Variants in COX19 observed in about 807,000 individuals in gnomAD.
COX19 encodes the protein cytochrome c oxidase assembly protein COX19.
A neutral mutation model predicts 6.8 loss-of-function variants in COX19; 8 were observed. The ratio of observed to expected loss-of-function variants is 1.18; its 90% CI spans 0.69 to 2.12. The LOEUF (loss-of-function observed/expected upper bound fraction) is 2.12. Among genes scored for constraint, COX19 ranks in the 30% most tolerant of loss-of-function variants. The pLI, the probability that COX19 is intolerant of heterozygous loss-of-function variation, is 0.00. For missense variants in COX19, 131 were observed against 104.6 expected (o/e 1.25, Z -1.10); for synonymous variants, 51 against 38.0 (o/e 1.34, Z -1.26).
chr7:972,229 C>T (rs1847646018), intron 2 of COX19, among the ~76,000 whole-genome samples: 1 of 152,212 alleles, frequency 6.6e-6, no homozygotes, highest in African/African-American at 2.4e-5. Flanking sequence ...TTCAGTGTGG[C>T]CCTTGGACAA....
intron 1 of COX19, among the ~76,000 whole-genome samples, chr7:973,899 G>A (rs969133835): frequency 2.7e-5 from 4 of 150,532 alleles, no homozygotes; most frequent in African/African-American, 9.8e-5. Context: ...CCAGGAAGCG[G>A]AGGTTGCAGC....
At chr7:971,479 T>C (rs1847634176) in intron 2 of COX19, among the ~76,000 whole-genome samples, 1 of 152,076 alleles carries the variant, frequency 6.6e-6, no homozygotes, top group Admixed American at 6.6e-5. Context: ...GTTTGATGAT[T>C]TTCATGAACA....
At chr7:969,819 G>A (rs1847611227) in intron 2 of COX19, among the ~76,000 whole-genome samples, 1 of 152,174 alleles carries the variant, frequency 6.6e-6, no homozygotes, top group Non-Finnish European at 1.5e-5. Flanking sequence ...TGATTGGCAG[G>A]ATAATGACCC....
rs1380228165 is a variant in COX19, at chr7:975,496, A to C, written c.14T>G (p.Met5Arg). MSTA[M>R]NFGTKSFQPR... ...CTGGAAGCTCTTGGTCCCGAAATTC[A>C]TGGCGGTCGACATGTTGGCGACTCC... The change falls in exon 1 of 3, where the codon ATG becomes AGG. Residue 5 changes from methionine (M) to arginine (R), a missense_variant. Physicochemically the swap from Met to Arg is moderately conservative, Grantham distance 91. Coordinates refer to ENST00000344111, the MANE Select transcript of COX19 (RefSeq NM_001031617.3). The C allele has an allele frequency of 6.2e-7, 1 of 1,603,460 alleles. No individual in the cohort carries two copies. Among genetic ancestry groups the C allele is most frequent in the South Asian group, 1.1e-5 (1 of 89,654 alleles).
chr7:972,744 T>C (rs986171527), intron 2 of COX19: 4 of 152,586 alleles, frequency 2.6e-5, no homozygotes, highest in African/African-American at 7.2e-5. Context: ...AAATAGTCTA[T>C]TGTCCTCCCT....
At chr7:973,820 G>C (rs1370139578) in intron 1 of COX19, among the ~76,000 whole-genome samples, 1 of 151,896 alleles carries the variant, frequency 6.6e-6, no homozygotes, top group Non-Finnish European at 1.5e-5. Context: ...ACAAAAATTA[G>C]CCGGGCATGG....
At position 967,577 on chromosome 7, in the gene COX19, G is replaced by A. The variant is rs1847575897; in HGVS notation, c.*1801C>T. The A allele has an allele frequency of 6.6e-6, 1 of 152,284 alleles. No individual in the cohort carries two copies. Among genetic ancestry groups the A allele is most frequent in the Non-Finnish European group, 1.5e-5 (1 of 68,072 alleles). The allele number at this position is 152,284 out of a possible 1,614,324, so 9.4% of individuals were successfully genotyped here. A position where few individuals can be genotyped will look rare whatever the true frequency, so the allele number is the denominator to read the frequency against. ...CGGGCCTGGGCACTCCCGACGGCGG[G>A]TCAGAGTGCGATGGGAAGAGGCCCC... On this transcript the variant is annotated 3_prime_UTR_variant, in exon 3 of 3. Coordinates refer to ENST00000344111, the MANE Select transcript of COX19 (RefSeq NM_001031617.3).
In COX19 at chr7:966,833, A is replaced by G. The variant is rs77672213; in HGVS notation, c.*2545T>C. 0.025 allele frequency: 3,753 copies of G among 152,326 alleles called. 148 individuals are homozygous for G. The highest frequency in any genetic ancestry group is 0.21 in the East Asian group (1,082 of 5,170). The allele number at this position is 152,326 out of a possible 1,614,324, so 9.4% of individuals were successfully genotyped here. ...TTCTGAGCAGCCGTCCTGCTGGGACATCAACCCTCCCTCCGTCCAGCGTTT... is the reference window on the plus strand; with the variant it reads ...TTCTGAGCAGCCGTCCTGCTGGGACGTCAACCCTCCCTCCGTCCAGCGTTT... On this transcript the variant is annotated 3_prime_UTR_variant, in exon 3 of 3. Transcript: ENST00000344111.
chr7:975,292 G>A (rs1847689438), intron 1 of COX19, 136 bp downstream of exon 1: 2 of 639,156 alleles, frequency 3.1e-6, no homozygotes, highest in Non-Finnish European at 5.3e-6. Context: ...GCTGGGTGGG[G>A]CGGAGGGGCG....
rs1227534508 is a variant in COX19 at position 968,394 on chromosome 7, A to T, written c.*984T>A. 1 of 152,294 alleles carries T rather than the reference A, an allele frequency of 6.6e-6. No homozygotes were observed. Among genetic ancestry groups the T allele is most frequent in the Non-Finnish European group, 1.5e-5 (1 of 68,114 alleles). The allele number at this position is 152,294 out of a possible 1,614,324, so 9.4% of individuals were successfully genotyped here. ...TGCCAGGGTCGCCAGAGAGGACGTG[A>T]CCTGGACCTCCCCACCCCGTCTCCT... On this transcript the variant is annotated 3_prime_UTR_variant, in exon 3 of 3. Coordinates refer to ENST00000344111, the MANE Select transcript of COX19 (RefSeq NM_001031617.3).
At chr7:971,754 C>T (rs1847638919) in intron 2 of COX19, among the ~76,000 whole-genome samples, 1 of 152,128 alleles carries the variant, frequency 6.6e-6, no homozygotes, top group Non-Finnish European at 1.5e-5. Context: ...GCCTGTAGTC[C>T]CAGCTACTCG....
intron 1 of COX19, among the ~76,000 whole-genome samples, chr7:974,473 T>C (rs1005852768): frequency 1.3e-5 from 2 of 152,066 alleles, no homozygotes; most frequent in African/African-American, 2.4e-5. Flanking sequence ...TTCATAAACA[T>C]GCTGAAAACA....
At chr7:971,154 CTG>C (rs1847629733) in intron 2 of COX19, among the ~76,000 whole-genome samples, 1 of 152,212 alleles carries the variant, frequency 6.6e-6, no homozygotes, top group Admixed American at 6.5e-5. Flanking sequence ...ACCAGCGTGT[CTG>C]TGTGACACCC....
intron 2 of COX19, among the ~76,000 whole-genome samples, chr7:972,511 C>G (rs532542147): frequency 6.6e-6 from 1 of 152,170 alleles, no homozygotes; most frequent in South Asian, 2.1e-4. Context: ...GACCGAAATG[C>G]TTAGTGAGCT....
chr7:975,144 A>G, intron 1 of COX19: 1 of 380,884 alleles, frequency 2.6e-6, no homozygotes, highest in Non-Finnish European at 4.7e-6. Flanking sequence ...CGGGGCACAG[A>G]CAGCCCGCCG....
chr7:975,323 C>T, intron 1 of COX19, 105 bp downstream of exon 1: 1 of 890,700 alleles, frequency 1.1e-6, no homozygotes, highest in Non-Finnish European at 1.7e-6. Flanking sequence ...CCTCAGTTTC[C>T]CCGCCTGCAC....
intron 1 of COX19, among the ~76,000 whole-genome samples, chr7:974,250 TAAAA>T (rs748066628): frequency 1.2e-5 from 1 of 84,236 alleles, no homozygotes. Context: ...ACCCCATCTC[TAAAA>T]AAAAAAAAAA....
At chr7:971,297 C>T (rs1366799435) in intron 2 of COX19, among the ~76,000 whole-genome samples, 2 of 152,202 alleles carry the variant, frequency 1.3e-5, no homozygotes, top group Non-Finnish European at 1.5e-5. Context: ...TCCAAGTCCT[C>T]AAGAGACAAC....
Position 965,063 on chromosome 7 carries a change from C to T in COX19, c.*4315G>A, listed in dbSNP as rs1190370250. The stretch of plus-strand genomic sequence containing the variant: ...AAGGCAGCGTTGGGAAGCCACTGCA[C>T]GTTTGTAAGGAGTCAGGTTGTCCAC... On this transcript the variant is annotated 3_prime_UTR_variant, in exon 3 of 3. Coordinates refer to ENST00000344111, the MANE Select transcript of COX19 (RefSeq NM_001031617.3). 2.6e-5 allele frequency among the ~76,000 whole-genome samples: 4 copies of T among 152,172 alleles called. No individual in the cohort carries two copies. The highest frequency in any genetic ancestry group is 5.9e-5 in the Non-Finnish European group (4 of 68,038).
Sources: allele counts gnomAD v4.1 joint callset (sites outside exome capture counted in the v4.1 genomes callset), GRCh38; gene constraint gnomAD v4.1.1; transcripts MANE v1.5; gene names NCBI Gene and HGNC (gene_info 2026-07-23, HGNC 2026-07-21).